Variants in SECISBP2L observed in about 807,000 individuals in gnomAD.
SECISBP2L encodes SECIS binding protein 2 like, also known as selenocysteine insertion sequence-binding protein 2-like.
SECISBP2L carries 43 observed loss-of-function variants against 114.7 expected under a neutral mutation model. The ratio of observed to expected loss-of-function variants is 0.38; its 90% CI spans 0.29 to 0.48. The LOEUF is 0.48. Among genes scored for constraint, SECISBP2L ranks in the 20% least tolerant of loss-of-function variants. The probability of loss-of-function intolerance (pLI) is 0.98; values close to 1 mark genes in which losing one functional copy is unlikely to be tolerated. For synonymous variants in SECISBP2L, 451 were observed against 439.7 expected, an observed-to-expected ratio of 1.03 and a Z score of -0.32; for missense variants, 1,136 against 1,301.1, an observed-to-expected ratio of 0.87 and a Z score of 1.95.
intron 14 of SECISBP2L, 72 bp from the exon 15 acceptor site, chr15:49,001,169 A>G (rs1902199475): frequency 4.4e-6 from 4 of 912,784 alleles, no homozygotes; most frequent in African/African-American, 1.7e-5. Flanking sequence ...TGCATTAAGA[A>G]AATATCTCTA....
chr15:48,999,499 G>A (rs189741307), intron 16 of SECISBP2L, among the ~76,000 whole-genome samples: 2 of 152,190 alleles, frequency 1.3e-5, no homozygotes, highest in Admixed American at 1.3e-4. Context: ...TACCCATCTA[G>A]AGACTGAAGA....
chr15:49,012,632 C>T lies in SECISBP2L; in HGVS notation c.1731+16G>A, dbSNP rs188504867. The T allele has an allele frequency of 6.8e-6, 11 of 1,608,198 alleles. No individual in the cohort carries two copies. The East Asian group carries it at 2.0e-4, about 29-fold the overall frequency. ...TTCATCCTATAAAATAAATATCCCA[C>T]CAGATTTTGGTTTACCTTTTTAAGT... On this transcript the variant is annotated intron_variant, in intron 12 of 17. Transcript: ENST00000559471.
chr15:49,019,617 A>T, intron 7 of SECISBP2L, 65 bp from the exon 8 acceptor site: 2 of 1,271,376 alleles, frequency 1.6e-6, no homozygotes, highest in Non-Finnish European at 2.0e-6. Flanking sequence ...ACTCAAATAT[A>T]TAACATACTG....
intron 1 of SECISBP2L, among the ~76,000 whole-genome samples, chr15:49,042,061 G>C (rs980242097): frequency 2.0e-5 from 3 of 152,130 alleles, no homozygotes; most frequent in Non-Finnish European, 4.4e-5. Flanking sequence ...TTAAAAAACA[G>C]ACCAAATCTA....
intron 14 of SECISBP2L, among the ~76,000 whole-genome samples, chr15:49,008,920 C>A (rs903492361): frequency 6.6e-6 from 1 of 152,078 alleles, no homozygotes; most frequent in African/African-American, 2.4e-5. Context: ...AGGAGGAAAA[C>A]TGATAGTACA....
intron 3 of SECISBP2L, among the ~76,000 whole-genome samples, chr15:49,034,998 C>T (rs1280598410): frequency 6.6e-6 from 1 of 150,460 alleles, no homozygotes; most frequent in Non-Finnish European, 1.5e-5. Context: ...CCATTCAACA[C>T]AGCTAGCACA....
intron 3 of SECISBP2L, among the ~76,000 whole-genome samples, chr15:49,034,944 T>C (rs1299710884): frequency 6.6e-6 from 1 of 152,138 alleles, no homozygotes; most frequent in African/African-American, 2.4e-5. Flanking sequence ...ATTATAGGTG[T>C]GGCCACTACA....
In SECISBP2L at chr15:49,035,327, C is replaced by T; in HGVS notation, c.528+7G>A. Reference sequence around the variant, plus strand: ...AATTTAAAAGCCAATCAAGACCAGACACTTACTTTTGGGACCACTGATCCT... The same window carrying T: ...AATTTAAAAGCCAATCAAGACCAGATACTTACTTTTGGGACCACTGATCCT... On this transcript the variant is annotated splice_region_variant and intron_variant, in intron 3 of 17. Coordinates refer to ENST00000559471, the MANE Select transcript of SECISBP2L (RefSeq NM_001193489.2). The T allele has an allele frequency of 6.2e-7, 1 of 1,610,658 alleles. No individual in the cohort carries two copies. Among genetic ancestry groups the T allele is most frequent in the Non-Finnish European group, 8.5e-7 (1 of 1,177,712 alleles).
chr15:48,999,128 G>C (rs867212894), intron 16 of SECISBP2L, among the ~76,000 whole-genome samples: 2 of 152,192 alleles, frequency 1.3e-5, no homozygotes, highest in Admixed American at 1.3e-4. Context: ...TGGTGGGAAA[G>C]AAACAGAATG....
intron 1 of SECISBP2L, among the ~76,000 whole-genome samples, chr15:49,041,124 G>A (rs1257078470): frequency 2.0e-5 from 3 of 152,000 alleles, no homozygotes; most frequent in African/African-American, 4.8e-5. Context: ...AATAAATATG[G>A]AATAAATGTA....
intron 12 of SECISBP2L, 114 bp from the exon 13 acceptor site, chr15:49,011,977 A>C: frequency 8.1e-7 from 1 of 1,230,644 alleles, no homozygotes; most frequent in Non-Finnish European, 1.1e-6. Context: ...GAACATGAGA[A>C]GTTTGGCTAA....
At chr15:49,017,488 C>G in intron 9 of SECISBP2L, 60 bp downstream of exon 9, 1 of 1,085,282 alleles carries the variant, frequency 9.2e-7, no homozygotes, top group Admixed American at 2.1e-5. Context: ...TATTTCCCTT[C>G]AACATAGCCA....
chr15:49,018,254 TG>T (rs1249502284), intron 8 of SECISBP2L, among the ~76,000 whole-genome samples: 2 of 148,542 alleles, frequency 1.3e-5, no homozygotes, highest in Non-Finnish European at 3.0e-5. Context: ...AACATATTAT[TG>T]ATTTTTTTTT....
chr15:49,030,705 A>C (rs1902867201), intron 4 of SECISBP2L, among the ~76,000 whole-genome samples: 1 of 152,198 alleles, frequency 6.6e-6, no homozygotes, highest in African/African-American at 2.4e-5. Context: ...CTAAGTCTTT[A>C]ATCAATCTGA....
Position 48,992,694 on chromosome 15 carries a change from T to C in SECISBP2L, c.2856A>G (p.Glu952=), listed in dbSNP as rs1344394985. The C allele has an allele frequency of 3.7e-6, 6 of 1,614,074 alleles. No homozygotes were observed. Among genetic ancestry groups the C allele is most frequent in the Non-Finnish European group, 4.2e-6 (5 of 1,180,038 alleles). The change falls in exon 18 of 18, where the codon GAA becomes GAG. Residue 952 remains glutamate, a synonymous_variant. Coordinates refer to ENST00000559471, the MANE Select transcript of SECISBP2L (RefSeq NM_001193489.2). The stretch of plus-strand genomic sequence containing the variant: ...TCTCTGTACTCTGCTGTGAGGCCCA[T>C]TCCAGGTCATCTGGCTTCACTTCCT... ...DKEEVKPDDL[E]WASQQSTETG...
Position 48,989,699 on chromosome 15 carries a change from T to C in SECISBP2L, c.*2545A>G, listed in dbSNP as rs1901931933. 1 of 152,224 alleles carries C rather than the reference T, an allele frequency of 6.6e-6. No homozygotes were observed. Among genetic ancestry groups the C allele is most frequent in the African/African-American group, 2.4e-5 (1 of 41,458 alleles). 9.4% of individuals were successfully genotyped at this position (152,224 alleles called of 1,614,324 possible). A position where few individuals can be genotyped will look rare whatever the true frequency, so the allele number is the denominator to read the frequency against. On this transcript the variant is annotated 3_prime_UTR_variant, in exon 18 of 18. Transcript: ENST00000559471. ...TAATTATTGCCAGTAAAACCACCTC[T>C]ACACATTAAGAGAAAAAATCACTAT...
At chr15:49,019,073 C>G (rs1259907309) in intron 8 of SECISBP2L, among the ~76,000 whole-genome samples, 2 of 152,146 alleles carry the variant, frequency 1.3e-5, no homozygotes, top group East Asian at 1.9e-4. Flanking sequence ...CTACTCAAAT[C>G]TGAAAAGCCT....
chr15:49,040,358 CAGA>C (rs1334399526), intron 1 of SECISBP2L, among the ~76,000 whole-genome samples: 3 of 152,042 alleles, frequency 2.0e-5, no homozygotes, highest in Non-Finnish European at 2.9e-5. Context: ...GCTGCACAAA[CAGA>C]AGATGTCACT....
rs1902542532 is a variant in SECISBP2L at position 49,016,653 on chromosome 15, G to A, written c.1468C>T (p.Leu490=). The A allele has an allele frequency of 6.2e-7, 1 of 1,607,464 alleles. No individual in the cohort carries two copies. Residue 490 remains leucine, a synonymous_variant, in exon 11 of 18, where the codon CTA becomes TTA. Coordinates refer to ENST00000559471, the MANE Select transcript of SECISBP2L (RefSeq NM_001193489.2). ...GCAGCTAACATGTCCCCTAAATCTA[G>A]CTGCACAGGTGTTTTATTCTTTTTT... ...AGKKNKTPVQ[L]DLGDMLAALE...
Sources: allele counts gnomAD v4.1 joint callset (sites outside exome capture counted in the v4.1 genomes callset), GRCh38; gene constraint gnomAD v4.1.1; transcripts MANE v1.5; gene names NCBI Gene and HGNC (gene_info 2026-07-23, HGNC 2026-07-21).